Variants in NRCAM observed in about 807,000 individuals in gnomAD.
NRCAM encodes neuronal cell adhesion molecule, also known as NgCAM-related cell adhesion molecule.
In NRCAM, 83 loss-of-function variants were observed where a neutral mutation model predicts 156.5. That is an observed-to-expected ratio of 0.53 (90% confidence interval 0.44 to 0.64). The LOEUF is 0.64. Among genes scored for constraint, NRCAM ranks in the 30% least tolerant of loss-of-function variants. The pLI is 0.00. For synonymous variants in NRCAM, 538 were observed against 563.9 expected, an observed-to-expected ratio of 0.95 and a Z score of 0.65; for missense variants, 1,417 against 1,597.3, an observed-to-expected ratio of 0.89 and a Z score of 1.92.
Position 108,148,054 on chromosome 7 carries a change from C to T in NRCAM, c.*1856G>A, listed in dbSNP as rs1301426333. 1.3e-5 allele frequency: 2 copies of T among 152,568 alleles called. No individual in the cohort carries two copies. The highest frequency in any genetic ancestry group is 2.9e-5 in the Non-Finnish European group (2 of 68,042). 9.5% of individuals were successfully genotyped at this position (152,568 alleles called of 1,614,324 possible). A position where few individuals can be genotyped will look rare whatever the true frequency, so the allele number is the denominator to read the frequency against. On this transcript the variant is annotated 3_prime_UTR_variant, in exon 33 of 33. Transcript: ENST00000379028. ...TGAAAGTATTTAGGGCCATCTTTAC[C>T]TGGGATTACTTTAAATTATGCTTTA... is the stretch of plus-strand genomic sequence containing the variant.
rs1448282382 is a variant in NRCAM, at chr7:108,234,453, T to C, written c.230+130A>G. On this transcript the variant is annotated intron_variant, in intron 6 of 32. Coordinates refer to ENST00000379028, the MANE Select transcript of NRCAM (RefSeq NM_001037132.4). ...CAATCTAGTGAGTCACAGTGAGAAA[T>C]ATCCAACTGAAAAAGGAAGTGCTCT... 9.5e-6 allele frequency: 6 copies of C among 634,140 alleles called. 1 individual carries two copies. Among genetic ancestry groups the C allele is most frequent in the Admixed American group, 8.7e-5 (3 of 34,344 alleles). The allele number at this position is 634,140 out of a possible 1,614,324, so 39.3% of individuals were successfully genotyped here. A position where few individuals can be genotyped will look rare whatever the true frequency, so the allele number is the denominator to read the frequency against.
chr7:108,356,057 T>C (rs1327192959), intron 2 of NRCAM, among the ~76,000 whole-genome samples: 3 of 152,100 alleles, frequency 2.0e-5, no homozygotes, highest in Non-Finnish European at 2.9e-5. Flanking sequence ...CAAGCGATTC[T>C]TCTGCCTCAC....
At chr7:108,215,879 C>T (rs560862402) in intron 11 of NRCAM, among the ~76,000 whole-genome samples, 7 of 152,042 alleles carry the variant, frequency 4.6e-5, no homozygotes, top group Admixed American at 6.5e-5. Context: ...TGCCAGCCTG[C>T]GTCTTTTAAT....
chr7:108,374,259 A>G (rs1167267074), intron 2 of NRCAM, among the ~76,000 whole-genome samples: 1 of 152,194 alleles, frequency 6.6e-6, no homozygotes, highest in African/African-American at 2.4e-5. Flanking sequence ...ATGAGACTTC[A>G]GTTGCAGTCA....
chr7:108,178,412 CATGA>C (rs749352955), intron 25 of NRCAM: 30 of 418,600 alleles, frequency 7.2e-5, no homozygotes, highest in South Asian at 5.0e-4. Context: ...TTGTTTGACG[CATGA>C]ATGGTGTCTT....
At chr7:108,383,462 T>A (rs2099710884) in intron 2 of NRCAM, among the ~76,000 whole-genome samples, 1 of 152,014 alleles carries the variant, frequency 6.6e-6, no homozygotes, top group African/African-American at 2.4e-5. Flanking sequence ...ATTTCAGGGA[T>A]GAGGGAATTT....
chr7:108,229,481 T>C (rs2093998129), intron 8 of NRCAM, among the ~76,000 whole-genome samples: 1 of 152,096 alleles, frequency 6.6e-6, no homozygotes, highest in Non-Finnish European at 1.5e-5. Context: ...ACCACTCTCT[T>C]TGTTCCTTTT....
intron 3 of NRCAM, among the ~76,000 whole-genome samples, chr7:108,278,765 C>A (rs996040185): frequency 1.3e-5 from 2 of 152,256 alleles, no homozygotes; most frequent in African/African-American, 4.8e-5. Context: ...GGGCTGCACC[C>A]ACTGTCCAAC....
intron 5 of NRCAM, among the ~76,000 whole-genome samples, chr7:108,235,872 AAT>A (rs1316859981): frequency 6.6e-6 from 1 of 152,158 alleles, no homozygotes; most frequent in East Asian, 1.9e-4. Flanking sequence ...GGCAGACGAC[AAT>A]GTGCTTGGCA....
At chr7:108,386,399 T>C (rs1314293884) in intron 2 of NRCAM, among the ~76,000 whole-genome samples, 1 of 152,180 alleles carries the variant, frequency 6.6e-6, no homozygotes, top group Non-Finnish European at 1.5e-5. Context: ...TTTAATCTTA[T>C]CTCTAAGCAA....
chr7:108,350,739 T>C (rs2099406215), intron 2 of NRCAM, among the ~76,000 whole-genome samples: 1 of 152,230 alleles, frequency 6.6e-6, no homozygotes, highest in Non-Finnish European at 1.5e-5. Flanking sequence ...CTTATTGTTT[T>C]TCTTTTTTTT....
chr7:108,207,726 T>A (rs1394173068), intron 12 of NRCAM, 67 bp from the exon 13 acceptor site: 1 of 1,382,948 alleles, frequency 7.2e-7, no homozygotes, highest in Non-Finnish European at 9.9e-7. Context: ...AAGAACATAT[T>A]GAACTATTTT....
At chr7:108,240,868 C>T (rs1274356072) in intron 3 of NRCAM, among the ~76,000 whole-genome samples, 1 of 152,192 alleles carries the variant, frequency 6.6e-6, no homozygotes, top group Non-Finnish European at 1.5e-5. Flanking sequence ...ATTTCTCCTA[C>T]AAACCTGATT....
In NRCAM at chr7:108,181,823, C is replaced by G; in HGVS notation, c.2645G>C (p.Arg882Pro). 1.2e-6 allele frequency: 2 copies of G among 1,612,082 alleles called. No individual in the cohort carries two copies. Among genetic ancestry groups the G allele is most frequent in the Non-Finnish European group, 1.7e-6 (2 of 1,178,356 alleles). Reference protein sequence around the residue: ...KSIRGHLQGYRIYYWKTQSSS... With the variant: ...KSIRGHLQGYPIYYWKTQSSS... ...CACAAAAGGTCCCCTTTCACTTGCC[C>G]GATAGCCTTGTAGGTGTCCTCGGAT... The change falls in exon 24 of 33, where the codon CGG (arginine) becomes CCG (proline). Residue 882 changes from arginine (R) to proline (P), a missense_variant and splice_region_variant. Transcript: ENST00000379028.
intron 13 of NRCAM, among the ~76,000 whole-genome samples, chr7:108,204,035 T>C (rs774546559): frequency 6.6e-6 from 1 of 152,098 alleles, no homozygotes; most frequent in Non-Finnish European, 1.5e-5. Context: ...CTCCCAGCCG[T>C]GCTAGATGTG....
chr7:108,287,460 T>A (rs1191551803), intron 3 of NRCAM, among the ~76,000 whole-genome samples: 1 of 151,570 alleles, frequency 6.6e-6, no homozygotes, highest in African/African-American at 2.4e-5. Context: ...CCAGAATCTA[T>A]GAGGAACTCA....
intron 13 of NRCAM, among the ~76,000 whole-genome samples, chr7:108,206,370 T>G (rs2153562712): frequency 6.6e-6 from 1 of 152,354 alleles, no homozygotes; most frequent in South Asian, 2.1e-4. Context: ...TATTGGATTC[T>G]GACTTGGAGG....
intron 3 of NRCAM, among the ~76,000 whole-genome samples, chr7:108,274,455 TACTCTTGTA>T (rs1333486900): frequency 1.3e-5 from 2 of 152,178 alleles, no homozygotes; most frequent in Admixed American, 1.3e-4. Flanking sequence ...GGTCCTTCAC[TACTCTTGTA>T]AGTTGGATTC....
At chr7:108,269,352 T>A (rs1248159166) in intron 3 of NRCAM, among the ~76,000 whole-genome samples, 1 of 152,178 alleles carries the variant, frequency 6.6e-6, no homozygotes, top group East Asian at 1.9e-4. Flanking sequence ...AACCTCCTTT[T>A]TAAACATCTC....
Sources: gnomAD v4.1 joint callset for allele counts (sites outside exome capture counted in the v4.1 genomes callset) on GRCh38, gnomAD v4.1.1 for gene constraint, MANE v1.5 for transcripts, NCBI Gene and HGNC (gene_info 2026-07-23, HGNC 2026-07-21) for gene names.